Variants in RETREG1 observed in about 807,000 individuals in gnomAD.
RETREG1 encodes reticulophagy regulator 1, also known as family with sequence similarity 134 member B.
In RETREG1, 44 loss-of-function variants were observed where a neutral mutation model predicts 54.8. The observed-to-expected ratio is 0.80, with a 90% CI of 0.63 to 1.03. The LOEUF is 1.03. RETREG1 is among the 50% of genes least tolerant of loss of function. The pLI, the probability that RETREG1 is intolerant of heterozygous loss-of-function variation, is 0.00. For missense variants in RETREG1, 554 were observed against 605.1 expected, an observed-to-expected ratio of 0.92 and a Z score of 0.89; for synonymous variants, 217 against 238.5, an observed-to-expected ratio of 0.91 and a Z score of 0.83.
intron 1 of RETREG1, among the ~76,000 whole-genome samples, chr5:16,592,270 C>G (rs1319470242): frequency 6.6e-6 from 1 of 152,012 alleles, no homozygotes; most frequent in Non-Finnish European, 1.5e-5. Context: ...CAAAAGAAGG[C>G]ATACATGCAG....
At chr5:16,598,079 G>A (rs1019181899) in intron 1 of RETREG1, among the ~76,000 whole-genome samples, 8 of 150,532 alleles carry the variant, frequency 5.3e-5, no homozygotes, top group East Asian at 2.0e-4. Context: ...CCCACCTCCC[G>A]ACCACACGGA....
chr5:16,601,628 T>A lies in RETREG1; in HGVS notation c.320+15024A>T, dbSNP rs191782802. Among the ~76,000 whole-genome samples, 260 of 152,182 alleles carry A rather than the reference T, an allele frequency of 1.7e-3. 1 individual carries two copies. The highest frequency in any genetic ancestry group is 6.0e-3 in the African/African-American group (251 of 41,532). ...CCAGGCTGGTCTCGAACTCCTGACCTCAAGTGATCCACCCGCCTCAGCCTC... is the reference window on the plus strand; with the variant it reads ...CCAGGCTGGTCTCGAACTCCTGACCACAAGTGATCCACCCGCCTCAGCCTC... On this transcript the variant is annotated intron_variant, in intron 1 of 8. Transcript: ENST00000306320.
intron 3 of RETREG1, among the ~76,000 whole-genome samples, chr5:16,487,443 C>T (rs1392665349): frequency 2.0e-5 from 3 of 152,178 alleles, no homozygotes; most frequent in Non-Finnish European, 2.9e-5. Context: ...GAGTCACCCC[C>T]GATGACCATC....
intron 3 of RETREG1, among the ~76,000 whole-genome samples, chr5:16,494,778 A>C (rs1318934484): frequency 2.0e-5 from 3 of 152,140 alleles, no homozygotes; most frequent in African/African-American, 7.2e-5. Flanking sequence ...GGTACTGAAG[A>C]GTGGGGGCAT....
chr5:16,501,440 G>C (rs1336270103), intron 3 of RETREG1, among the ~76,000 whole-genome samples: 2 of 152,228 alleles, frequency 1.3e-5, no homozygotes, highest in African/African-American at 4.8e-5. Context: ...CAATTAACTG[G>C]AAAGTGATTC....
chr5:16,475,616 T>C (rs1021163581), intron 8 of RETREG1, among the ~76,000 whole-genome samples: 10 of 152,230 alleles, frequency 6.6e-5, no homozygotes, highest in African/African-American at 1.4e-4. Context: ...TGAGTACACA[T>C]GTACATGAAA....
intron 3 of RETREG1, among the ~76,000 whole-genome samples, chr5:16,523,946 C>G (rs1010440534): frequency 2.0e-5 from 3 of 152,058 alleles, no homozygotes; most frequent in African/African-American, 7.2e-5. Context: ...CTCCTCCAAC[C>G]CCAGGCGATT....
chr5:16,479,069 A>G, intron 5 of RETREG1, 82 bp from the exon 6 acceptor site: 2 of 1,351,726 alleles, frequency 1.5e-6, no homozygotes, highest in Non-Finnish European at 2.1e-6. Flanking sequence ...AAAATACTAC[A>G]TTTCTTTACT....
At chr5:16,494,255 TA>T (rs1165620991) in intron 3 of RETREG1, among the ~76,000 whole-genome samples, 1 of 152,168 alleles carries the variant, frequency 6.6e-6, no homozygotes, top group East Asian at 1.9e-4. Flanking sequence ...TTAATAAATA[TA>T]ATATTCAACA....
At chr5:16,507,811 T>C (rs1740017005) in intron 3 of RETREG1, among the ~76,000 whole-genome samples, 1 of 152,216 alleles carries the variant, frequency 6.6e-6, no homozygotes, top group Non-Finnish European at 1.5e-5. Context: ...GCAAGAAAAT[T>C]GTCCAACTCC....
chr5:16,599,290 T>C (rs1742986538), intron 1 of RETREG1, among the ~76,000 whole-genome samples: 1 of 152,226 alleles, frequency 6.6e-6, no homozygotes, highest in African/African-American at 2.4e-5. Flanking sequence ...TTAGTGAGAC[T>C]AGCTAGAACC....
At chr5:16,527,808 T>C (rs1326718031) in intron 3 of RETREG1, among the ~76,000 whole-genome samples, 1 of 120,168 alleles carries the variant, frequency 8.3e-6, no homozygotes, top group Admixed American at 8.4e-5. Context: ...TAATTTTTTT[T>C]TTTTTTTTTT....
chr5:16,507,761 G>C lies in RETREG1; in HGVS notation c.459-24289C>G, dbSNP rs141024150. Among the ~76,000 whole-genome samples the C allele has an allele frequency of 4.9e-3, 741 of 152,284 alleles. 6 individuals carry two copies. The highest frequency in any genetic ancestry group is 5.6e-3 in the Non-Finnish European group (378 of 68,024). ...TACAATGACAAAAATATATTTTGGT[G>C]CCCTTGTTCCTAGAGAGTTACCAGT... is the stretch of plus-strand genomic sequence containing the variant. On this transcript the variant is annotated intron_variant, in intron 3 of 8. Transcript: ENST00000306320.
chr5:16,532,011 A>C (rs1418207141), intron 3 of RETREG1, among the ~76,000 whole-genome samples: 1 of 152,172 alleles, frequency 6.6e-6, no homozygotes, highest in Non-Finnish European at 1.5e-5. Context: ...GAGAAAATGG[A>C]AATGGACCCA....
At chr5:16,532,838 T>C (rs374303814) in intron 3 of RETREG1, among the ~76,000 whole-genome samples, 6 of 152,260 alleles carry the variant, frequency 3.9e-5, no homozygotes, top group African/African-American at 1.4e-4. Context: ...AGACAGATAA[T>C]TTAGAATTAT....
At chr5:16,569,292 T>C (rs1449287772) in intron 2 of RETREG1, among the ~76,000 whole-genome samples, 8 of 151,174 alleles carry the variant, frequency 5.3e-5, no homozygotes, top group African/African-American at 7.3e-5. Flanking sequence ...TCTTTCTTTT[T>C]TTTTTTTTTT....
chr5:16,599,891 T>A (rs1743005688), intron 1 of RETREG1, among the ~76,000 whole-genome samples: 1 of 152,114 alleles, frequency 6.6e-6, no homozygotes, highest in South Asian at 2.1e-4. Context: ...GGGTGATAAC[T>A]GAGCGAGCAG....
chr5:16,515,639 G>A (rs1740328102), intron 3 of RETREG1, among the ~76,000 whole-genome samples: 1 of 152,154 alleles, frequency 6.6e-6, no homozygotes, highest in African/African-American at 2.4e-5. Flanking sequence ...AGGTAGTTGA[G>A]CCACTAGAAT....
chr5:16,527,305 C>G (rs1217767732), intron 3 of RETREG1, among the ~76,000 whole-genome samples: 6 of 152,220 alleles, frequency 3.9e-5, no homozygotes, highest in Non-Finnish European at 8.8e-5. Flanking sequence ...CAGCCTGCTC[C>G]TCCGGGCAGG....
Sources: allele counts gnomAD v4.1 joint callset (sites outside exome capture counted in the v4.1 genomes callset), GRCh38; gene constraint gnomAD v4.1.1; transcripts MANE v1.5; gene names NCBI Gene and HGNC (gene_info 2026-07-23, HGNC 2026-07-21).